The following NRXN1 variants were observed in gnomAD, a reference collection of about 807,000 sequenced individuals.
NRXN1 encodes the protein neurexin 1, also known as neurexin-1.
NRXN1 carries 39 observed loss-of-function variants against 150.9 expected under a neutral mutation model. That is an observed-to-expected ratio of 0.26 (90% CI 0.20 to 0.34). The LOEUF (loss-of-function observed/expected upper bound fraction) is 0.34, where lower values mean the gene tolerates loss of function less well. Ranked by LOEUF, NRXN1 falls within the 10% of genes least tolerant of loss-of-function variation. NRXN1 has a pLI of 1.00. For synonymous variants in NRXN1, 924 were observed against 757.0 expected (o/e 1.22, Z -3.62); for missense variants, 1,815 against 1,949.9 (o/e 0.93, Z 1.30).
intron 2 of NRXN1, among the ~76,000 whole-genome samples, chr2:50,944,675 T>C (rs751323268): frequency 2.6e-5 from 4 of 152,176 alleles, no homozygotes; most frequent in Admixed American, 6.6e-5. Flanking sequence ...TGAATGCCAA[T>C]TGATTTCCAA....
In NRXN1 at chr2:51,028,335, A is replaced by G; in HGVS notation, c.-62T>C. The stretch of plus-strand genomic sequence containing the variant: ...CGACAGGGTCAAAATGGTCCTGGAC[A>G]CCGTGACGAAGAAATAAGGGTCCCG... On this transcript the variant is annotated 5_prime_UTR_variant, in exon 2 of 23. Coordinates refer to ENST00000401669, the MANE Select transcript of NRXN1 (RefSeq NM_001330078.2). 8.6e-7 allele frequency: 1 copy of G among 1,159,590 alleles called. No homozygotes were observed. Among genetic ancestry groups the G allele is most frequent in the African/African-American group, 1.6e-5 (1 of 64,124 alleles). 71.8% of individuals were successfully genotyped at this position (1,159,590 alleles called of 1,614,324 possible).
chr2:50,828,718 G>A lies in NRXN1; in HGVS notation c.832+93151C>T, dbSNP rs1344016065. Among the ~76,000 whole-genome samples the A allele has an allele frequency of 2.6e-5, 4 of 151,768 alleles. No individual in the cohort carries two copies. The South Asian group carries it at 6.3e-4, about 24-fold the overall frequency. On this transcript the variant is annotated intron_variant, in intron 5 of 22. Transcript: ENST00000401669. Reference sequence around the variant, plus strand: ...TCACTTCCTAGATGGGATGGCGGCCGGGCAGAGACCCTCCTCACTTTCCAG... The same window carrying A: ...TCACTTCCTAGATGGGATGGCGGCCAGGCAGAGACCCTCCTCACTTTCCAG...
intron 5 of NRXN1, among the ~76,000 whole-genome samples, chr2:50,687,401 T>C (rs1206065438): frequency 1.3e-5 from 2 of 152,322 alleles, no homozygotes; most frequent in East Asian, 1.9e-4. Context: ...GGGTCATCTC[T>C]GTGAGCATTC....
intron 5 of NRXN1, chr2:50,912,784 A>C (rs1684704980): frequency 9.6e-6 from 1 of 104,282 alleles, no homozygotes; most frequent in Admixed American, 1.0e-4. Flanking sequence ...CAAAAAAAAA[A>C]AAGAAAAAAA....
intron 5 of NRXN1, among the ~76,000 whole-genome samples, chr2:50,894,092 G>A (rs1218824131): frequency 6.6e-6 from 1 of 151,808 alleles, no homozygotes; most frequent in Non-Finnish European, 1.5e-5. Context: ...ACTGTTGTGG[G>A]TTGGGGGGAG....
chr2:50,415,505 G>A (rs978742136), intron 17 of NRXN1, among the ~76,000 whole-genome samples: 3 of 152,256 alleles, frequency 2.0e-5, no homozygotes, highest in Middle Eastern at 3.4e-3. Context: ...TCTAGCACAC[G>A]CTGCATAGAG....
chr2:50,069,400 G>A (rs1695862421), intron 19 of NRXN1, among the ~76,000 whole-genome samples: 1 of 152,120 alleles, frequency 6.6e-6, no homozygotes, highest in South Asian at 2.1e-4. Context: ...TTGTTGTAAA[G>A]ACAAGCATTA....
intron 19 of NRXN1, among the ~76,000 whole-genome samples, chr2:50,077,132 G>A (rs538018488): frequency 2.6e-4 from 40 of 152,216 alleles, no homozygotes; most frequent in African/African-American, 8.7e-4. Context: ...ATGCAATAAT[G>A]TTTGTAAATA....
chr2:50,698,252 G>A (rs1693215651), intron 5 of NRXN1, among the ~76,000 whole-genome samples: 2 of 152,178 alleles, frequency 1.3e-5, no homozygotes, highest in South Asian at 2.1e-4. Context: ...ACATTTGGTA[G>A]TCCCTGAGAC....
chr2:50,373,532 A>C (rs2080192697), intron 17 of NRXN1, among the ~76,000 whole-genome samples: 1 of 150,490 alleles, frequency 6.6e-6, no homozygotes, highest in South Asian at 2.1e-4. Context: ...CTTAAATTTC[A>C]AGGTCATATT....
At chr2:50,542,221 C>A (rs914636891) in intron 9 of NRXN1, among the ~76,000 whole-genome samples, 8 of 152,024 alleles carry the variant, frequency 5.3e-5, no homozygotes, top group Non-Finnish European at 8.8e-5. Flanking sequence ...GCAGAGGTTG[C>A]GGTGAGCCGA....
chr2:50,814,305 A>G (rs1023248706), intron 5 of NRXN1, among the ~76,000 whole-genome samples: 1 of 151,964 alleles, frequency 6.6e-6, no homozygotes, highest in African/African-American at 2.4e-5. Flanking sequence ...CTTTCTTCTC[A>G]ATTTTTTAAT....
At chr2:50,837,614 A>G (rs1179615337) in intron 5 of NRXN1, among the ~76,000 whole-genome samples, 2 of 152,164 alleles carry the variant, frequency 1.3e-5, no homozygotes, top group East Asian at 1.9e-4. Context: ...AATTAAATCA[A>G]TATTATTTCT....
rs148668481 is a variant in NRXN1, at chr2:50,990,731, C to T, written c.772+36771G>A. On this transcript the variant is annotated intron_variant, in intron 2 of 22. Transcript: ENST00000401669. ...TTGTTCTCCCAACTCAACAAGACAA[C>T]GTCTTGCTGAGTTTCCTTTTCTCCC... is the stretch of plus-strand genomic sequence containing the variant. 5.2e-3 allele frequency among the ~76,000 whole-genome samples: 785 copies of T among 152,070 alleles called. 6 individuals carry two copies. The highest frequency in any genetic ancestry group is 0.018 in the African/African-American group (748 of 41,512).
chr2:50,628,369 C>T (rs914620594), intron 5 of NRXN1, among the ~76,000 whole-genome samples: 4 of 151,630 alleles, frequency 2.6e-5, no homozygotes, highest in Non-Finnish European at 4.4e-5. Flanking sequence ...AAGGCAACCA[C>T]ATAGTTTTGG....
chr2:50,403,116 C>G (rs1331626654), intron 17 of NRXN1, among the ~76,000 whole-genome samples: 1 of 152,090 alleles, frequency 6.6e-6, no homozygotes, highest in Non-Finnish European at 1.5e-5. Context: ...ATTCCTACAA[C>G]ATCACCTGGT....
At chr2:50,735,967 T>C (rs906294838) in intron 5 of NRXN1, among the ~76,000 whole-genome samples, 2 of 152,188 alleles carry the variant, frequency 1.3e-5, no homozygotes, top group Non-Finnish European at 2.9e-5. Context: ...CCCTAATCTG[T>C]GAAAGCAAAT....
At chr2:50,577,471 T>C (rs1671609801) in intron 8 of NRXN1, among the ~76,000 whole-genome samples, 1 of 152,126 alleles carries the variant, frequency 6.6e-6, no homozygotes, top group African/African-American at 2.4e-5. Flanking sequence ...ATTCCATATT[T>C]TAGTTCCTAA....
chr2:50,356,708 C>A (rs1415305113), intron 17 of NRXN1, among the ~76,000 whole-genome samples: 1 of 152,136 alleles, frequency 6.6e-6, no homozygotes, highest in African/African-American at 2.4e-5. Context: ...ATAAACCACA[C>A]AGCAAGTGGA....
Sources: gnomAD v4.1 joint callset for allele counts (sites outside exome capture counted in the v4.1 genomes callset) on GRCh38, gnomAD v4.1.1 for gene constraint, MANE v1.5 for transcripts, NCBI Gene and HGNC (gene_info 2026-07-23, HGNC 2026-07-21) for gene names.